NCALD: variants seen among roughly 807,000 people sequenced by gnomAD.
The protein encoded by NCALD is neurocalcin-delta.
In NCALD, 10 loss-of-function variants were observed where a neutral mutation model predicts 18.6. That is an observed-to-expected ratio of 0.54 (90% confidence interval 0.33 to 0.91). The LOEUF is 0.91. Among genes scored for constraint, NCALD ranks in the 40% least tolerant of loss-of-function variants. The pLI, the probability that NCALD is intolerant of heterozygous loss-of-function variation, is 0.03. For missense variants in NCALD, 184 were observed against 247.6 expected, an observed-to-expected ratio of 0.74 and a Z score of 1.72; for synonymous variants, 88 against 87.4, an observed-to-expected ratio of 1.01 and a Z score of -0.04.
intron 2 of NCALD, among the ~76,000 whole-genome samples, chr8:101,936,601 T>C (rs1818773445): frequency 6.6e-6 from 1 of 152,194 alleles, no homozygotes; most frequent in Non-Finnish European, 1.5e-5. Flanking sequence ...TTAACCCTAT[T>C]AGATTTGCTA....
At chr8:102,085,347 C>T (rs1485737361) in intron 1 of NCALD, among the ~76,000 whole-genome samples, 2 of 152,230 alleles carry the variant, frequency 1.3e-5, no homozygotes, top group Non-Finnish European at 2.9e-5. Flanking sequence ...CCCAGTCACC[C>T]TCTCTAGACA....
chr8:101,687,715 T>G lies in NCALD; in HGVS notation c.*1594A>C, dbSNP rs1194621036. ...TCTCTGCCTTCTCTTAGTGGCAAGT[T>G]CCCCATCAACAACCTTGAGAATTTG... On this transcript the variant is annotated 3_prime_UTR_variant, in exon 4 of 4. Coordinates refer to ENST00000220931, the MANE Select transcript of NCALD (RefSeq NM_032041.3). 3.3e-5 allele frequency: 5 copies of G among 152,206 alleles called. No homozygotes were observed. The allele number at this position is 152,206 out of a possible 1,614,324, so 9.4% of individuals were successfully genotyped here. A position where few individuals can be genotyped will look rare whatever the true frequency, so the allele number is the denominator to read the frequency against.
At chr8:101,846,052 C>T (rs574409802) in intron 4 of NCALD, among the ~76,000 whole-genome samples, 6 of 152,264 alleles carry the variant, frequency 3.9e-5, no homozygotes, top group East Asian at 3.9e-4. Context: ...TGTATATATA[C>T]ATTTTCTTTA....
chr8:102,052,107 G>A (rs759080946), intron 1 of NCALD, among the ~76,000 whole-genome samples: 2 of 152,192 alleles, frequency 1.3e-5, no homozygotes, highest in Non-Finnish European at 2.9e-5. Flanking sequence ...AGCACTTTAT[G>A]AAGTTATACA....
At chr8:102,080,292 G>C (rs574855325) in intron 1 of NCALD, among the ~76,000 whole-genome samples, 1 of 152,140 alleles carries the variant, frequency 6.6e-6, no homozygotes, top group Non-Finnish European at 1.5e-5. Flanking sequence ...AACCTTTATA[G>C]CTTAATGCTA....
intron 4 of NCALD, among the ~76,000 whole-genome samples, chr8:101,807,091 A>G (rs1033208694): frequency 6.6e-6 from 1 of 152,112 alleles, no homozygotes; most frequent in East Asian, 1.9e-4. Context: ...AAAAATAAAG[A>G]TATTACTAGA....
chr8:101,799,085 A>G (rs1563780631), intron 4 of NCALD, among the ~76,000 whole-genome samples: 1 of 152,196 alleles, frequency 6.6e-6, no homozygotes, highest in Non-Finnish European at 1.5e-5. Context: ...ACATATAAAG[A>G]ACTCTCAAAA....
intron 1 of NCALD, among the ~76,000 whole-genome samples, chr8:102,037,665 T>C: frequency 6.6e-6 from 1 of 152,056 alleles, no homozygotes; most frequent in East Asian, 1.9e-4. Flanking sequence ...GATTAACATA[T>C]ATTACACTTA....
At chr8:101,708,663 G>A (rs923223079) in intron 2 of NCALD, among the ~76,000 whole-genome samples, 1 of 152,044 alleles carries the variant, frequency 6.6e-6, no homozygotes, top group Non-Finnish European at 1.5e-5. Context: ...CCACAAATCC[G>A]GAAATGGATG....
intron 1 of NCALD, among the ~76,000 whole-genome samples, chr8:102,051,943 G>C (rs926127698): frequency 5.3e-5 from 8 of 152,174 alleles, no homozygotes; most frequent in African/African-American, 1.9e-4. Flanking sequence ...AAAAACTAAA[G>C]TAGAACTTCA....
chr8:101,844,084 G>A (rs1272893591), intron 4 of NCALD, among the ~76,000 whole-genome samples: 1 of 152,116 alleles, frequency 6.6e-6, no homozygotes, highest in East Asian at 1.9e-4. Context: ...CTGACAGCAC[G>A]TCCCTATTCC....
chr8:101,784,009 C>A (rs531156076), intron 1 of NCALD, among the ~76,000 whole-genome samples: 4 of 152,220 alleles, frequency 2.6e-5, no homozygotes, highest in African/African-American at 9.6e-5. Context: ...ACTCTGATTG[C>A]CTAAGAAATT....
At chr8:101,935,469 C>T (rs118184978) in intron 2 of NCALD, among the ~76,000 whole-genome samples, 118 of 152,244 alleles carry the variant, frequency 7.8e-4, no homozygotes, top group South Asian at 1.5e-3. Flanking sequence ...AAAGAGTTTA[C>T]AGTTTACAAC....
intron 1 of NCALD, among the ~76,000 whole-genome samples, chr8:102,061,988 G>A (rs529641496): frequency 5.9e-5 from 9 of 152,252 alleles, no homozygotes; most frequent in Admixed American, 1.3e-4. Flanking sequence ...ATGCCTTAAC[G>A]AAGGCAATTT....
chr8:101,827,418 A>G (rs1425502182), intron 4 of NCALD, among the ~76,000 whole-genome samples: 1 of 152,232 alleles, frequency 6.6e-6, no homozygotes, highest in East Asian at 1.9e-4. Flanking sequence ...TTTGGGAACC[A>G]TTATTTAATC....
At chr8:101,740,457 C>A (rs1430361275) in intron 1 of NCALD, among the ~76,000 whole-genome samples, 3 of 152,168 alleles carry the variant, frequency 2.0e-5, no homozygotes, top group African/African-American at 7.2e-5. Flanking sequence ...CCAATAAGTA[C>A]CCAAGGTGGA....
intron 3 of NCALD, among the ~76,000 whole-genome samples, chr8:101,891,548 C>G (rs551567008): frequency 3.5e-4 from 54 of 152,328 alleles, no homozygotes; most frequent in African/African-American, 1.2e-3. Flanking sequence ...GTCTACAGCT[C>G]CCAGCGTGAG....
chr8:102,094,191 G>A (rs1285689029), intron 1 of NCALD, among the ~76,000 whole-genome samples: 1 of 152,194 alleles, frequency 6.6e-6, no homozygotes, highest in Non-Finnish European at 1.5e-5. Flanking sequence ...ATTAGCCAGA[G>A]AGTTTTTACT....
chr8:102,010,278 G>A lies in NCALD; in HGVS notation c.-157+9959C>T, dbSNP rs549802807. On this transcript the variant is annotated intron_variant, in intron 2 of 6. Transcript: ENST00000311028. ...TTTGCATACTTTCTCTAACAAATCTGCCTTTCTTTACCTACAACTGTCTTG... is the reference window on the plus strand; with the variant it reads ...TTTGCATACTTTCTCTAACAAATCTACCTTTCTTTACCTACAACTGTCTTG... Among the ~76,000 whole-genome samples, 177 of 152,274 alleles carry A rather than the reference G, an allele frequency of 1.2e-3. 1 individual carries two copies. Among genetic ancestry groups the A allele is most frequent in the Admixed American group, 4.6e-3 (71 of 15,290 alleles).
Sources: allele counts gnomAD v4.1 joint callset (sites outside exome capture counted in the v4.1 genomes callset), GRCh38; gene constraint gnomAD v4.1.1; transcripts MANE v1.5; gene names NCBI Gene and HGNC (gene_info 2026-07-23, HGNC 2026-07-21).